Variants in AGBL4 observed in about 807,000 individuals in gnomAD.
AGBL4 encodes AGBL carboxypeptidase 4, also known as cytosolic carboxypeptidase 6.
Under a neutral mutation model 66.4 loss-of-function variants are expected in AGBL4, and 58 were observed. The ratio of observed to expected loss-of-function variants is 0.87; its 90% CI spans 0.71 to 1.09. The LOEUF is 1.09. AGBL4 is among the 50% of genes least tolerant of loss of function. The pLI, the probability that AGBL4 is intolerant of heterozygous loss-of-function variation, is 0.00. For missense variants in AGBL4, 579 were observed against 631.0 expected (o/e 0.92, Z 0.88); for synonymous variants, 234 against 222.9 (o/e 1.05, Z -0.44).
intron 5 of AGBL4, among the ~76,000 whole-genome samples, chr1:48,886,560 A>T (rs778431502): frequency 6.6e-6 from 1 of 151,932 alleles, no homozygotes; most frequent in Non-Finnish European, 1.5e-5. Flanking sequence ...TTTTTTATTT[A>T]TTATTTTTTT....
Position 48,747,570 on chromosome 1 carries a change from T to G in AGBL4, c.635-84329A>C, listed in dbSNP as rs528731614. Among the ~76,000 whole-genome samples the G allele has an allele frequency of 1.3e-4, 20 of 152,334 alleles. No individual in the cohort carries two copies. The South Asian group carries it at 3.1e-3, about 24-fold the overall frequency. ...ATACAAATAACTCTGATTTAACGGA[T>G]AAGCAATAGATTTAGTGTTAGAAAA... is the stretch of plus-strand genomic sequence containing the variant. On this transcript the variant is annotated intron_variant, in intron 6 of 13. Coordinates refer to ENST00000371839, the MANE Select transcript of AGBL4 (RefSeq NM_032785.4).
chr1:49,150,363 A>T (rs2148117609), intron 4 of AGBL4, among the ~76,000 whole-genome samples: 1 of 152,338 alleles, frequency 6.6e-6, no homozygotes, highest in East Asian at 1.9e-4. Flanking sequence ...ATTTGTACAC[A>T]TTCTCACAAT....
At chr1:49,262,788 A>T (rs1653329511) in intron 3 of AGBL4, among the ~76,000 whole-genome samples, 2 of 152,214 alleles carry the variant, frequency 1.3e-5, no homozygotes, top group African/African-American at 2.4e-5. Context: ...CATTTAACCC[A>T]GCCATCCCAT....
intron 2 of AGBL4, among the ~76,000 whole-genome samples, chr1:49,839,970 A>G (rs1485118833): frequency 1.3e-5 from 2 of 152,290 alleles, no homozygotes; most frequent in Admixed American, 1.3e-4. Flanking sequence ...GAGGATCCAC[A>G]AGACAGAGCT....
intron 4 of AGBL4, among the ~76,000 whole-genome samples, chr1:49,164,989 C>T (rs1646607662): frequency 6.6e-6 from 1 of 152,076 alleles, no homozygotes; most frequent in African/African-American, 2.4e-5. Flanking sequence ...AAGGCTCCTG[C>T]CTTTCCATAA....
At chr1:49,373,287 G>A (rs1644404027) in intron 3 of AGBL4, among the ~76,000 whole-genome samples, 1 of 152,098 alleles carries the variant, frequency 6.6e-6, no homozygotes, top group Admixed American at 6.6e-5. Flanking sequence ...CTCATGGCCT[G>A]GTATGTGGTA....
At chr1:49,680,351 A>G (rs947578154) in intron 3 of AGBL4, among the ~76,000 whole-genome samples, 3 of 139,126 alleles carry the variant, frequency 2.2e-5, no homozygotes, top group Non-Finnish European at 4.8e-5. Context: ...GCCCAGCCAG[A>G]TTCTTTCTTT....
intron 3 of AGBL4, among the ~76,000 whole-genome samples, chr1:49,687,989 T>C (rs1646817925): frequency 6.6e-6 from 1 of 152,164 alleles, no homozygotes; most frequent in Non-Finnish European, 1.5e-5. Context: ...GATATTTTGA[T>C]AAAGGCATAC....
intron 3 of AGBL4, among the ~76,000 whole-genome samples, chr1:49,268,464 A>T: frequency 6.9e-6 from 1 of 144,972 alleles, no homozygotes; most frequent in African/African-American, 2.6e-5. Flanking sequence ...ACAAGATCTC[A>T]CTCTATTGCA....
At chr1:49,987,633 C>T (rs1385345153) in intron 1 of AGBL4, among the ~76,000 whole-genome samples, 1 of 151,962 alleles carries the variant, frequency 6.6e-6, no homozygotes, top group African/African-American at 2.4e-5. Flanking sequence ...AAGACAACTC[C>T]AAATCTAAGA....
At chr1:49,269,413 T>C (rs1471158748) in intron 3 of AGBL4, 4 of 152,226 alleles carry the variant, frequency 2.6e-5, no homozygotes. Context: ...GAAATAACCC[T>C]GTAAAGCTGT....
intron 1 of AGBL4, among the ~76,000 whole-genome samples, chr1:49,908,409 C>A (rs530375524): frequency 2.6e-5 from 4 of 152,234 alleles, no homozygotes; most frequent in African/African-American, 9.6e-5. Flanking sequence ...CAAGATCTGG[C>A]TGTTTAAAAG....
rs543481595 is a variant in AGBL4 at position 49,280,924 on chromosome 1, AAAAG to A, written c.283-35064_283-35061del. On this transcript the variant is annotated intron_variant, in intron 3 of 13. Coordinates refer to ENST00000371839, the MANE Select transcript of AGBL4 (RefSeq NM_032785.4). ...CAGATAGCAATAATTACAACGAAGA[AAAAG>A]AAAACAGTAAAGGGTAAGAAAATAG... Among the ~76,000 whole-genome samples, 52 of 152,336 alleles carry A rather than the reference AAAAG, an allele frequency of 3.4e-4. 2 individuals are homozygous for A. The South Asian group carries it at 9.3e-3, about 27-fold the overall frequency.
intron 2 of AGBL4, among the ~76,000 whole-genome samples, chr1:49,732,917 A>G (rs1422828956): frequency 6.6e-6 from 1 of 152,128 alleles, no homozygotes; most frequent in Non-Finnish European, 1.5e-5. Flanking sequence ...TTCTTAATAA[A>G]CTTCATATAA....
At chr1:49,936,156 C>T (rs1404447461) in intron 1 of AGBL4, among the ~76,000 whole-genome samples, 1 of 152,178 alleles carries the variant, frequency 6.6e-6, no homozygotes, top group Non-Finnish European at 1.5e-5. Flanking sequence ...GCTGATGGAG[C>T]TGAAAGCCGA....
At chr1:49,424,559 T>C (rs1403095853) in intron 3 of AGBL4, among the ~76,000 whole-genome samples, 3 of 152,192 alleles carry the variant, frequency 2.0e-5, no homozygotes, top group African/African-American at 7.2e-5. Flanking sequence ...GTACTTATTT[T>C]AATTGAACAT....
intron 1 of AGBL4, among the ~76,000 whole-genome samples, chr1:49,975,379 T>A (rs568532505): frequency 8.7e-4 from 132 of 152,318 alleles, no homozygotes; most frequent in African/African-American, 3.1e-3. Context: ...TTTACCACTT[T>A]GCATAAATGG....
At chr1:48,750,344 G>A (rs570669555) in intron 6 of AGBL4, among the ~76,000 whole-genome samples, 34 of 152,242 alleles carry the variant, frequency 2.2e-4, no homozygotes, top group African/African-American at 6.7e-4. Flanking sequence ...TCACTGTGCC[G>A]TCCAACCAGA....
intron 1 of AGBL4, among the ~76,000 whole-genome samples, chr1:49,892,259 T>C (rs1275344659): frequency 1.3e-5 from 2 of 152,232 alleles, no homozygotes; most frequent in Non-Finnish European, 2.9e-5. Flanking sequence ...AATTTTAATA[T>C]GTATTCTCTA....
Sources: gnomAD v4.1 joint callset for allele counts (sites outside exome capture counted in the v4.1 genomes callset) on GRCh38, gnomAD v4.1.1 for gene constraint, MANE v1.5 for transcripts, NCBI Gene and HGNC (gene_info 2026-07-23, HGNC 2026-07-21) for gene names.